Variants in ALMS1 observed in about 807,000 individuals in gnomAD.
ALMS1 encodes the protein centrosome-associated protein ALMS1.
Under a neutral mutation model 352.2 loss-of-function variants are expected in ALMS1, and 271 were observed. The ratio of observed to expected loss-of-function variants is 0.77; its 90% CI spans 0.70 to 0.85. ALMS1 has a LOEUF of 0.85. ALMS1 is among the 40% of genes least tolerant of loss of function. ALMS1 has a pLI of 0.00. For synonymous variants in ALMS1, 1,865 were observed against 1,761.2 expected, an observed-to-expected ratio of 1.06 and a Z score of -1.48; for missense variants, 5,445 against 4,870.7, an observed-to-expected ratio of 1.12 and a Z score of -3.51.
intron 10 of ALMS1, among the ~76,000 whole-genome samples, chr2:73,504,714 A>G (rs1673285082): frequency 6.6e-6 from 1 of 152,022 alleles, no homozygotes; most frequent in African/African-American, 2.4e-5. Flanking sequence ...TTACTAATAA[A>G]GCTGTTATGA....
intron 11 of ALMS1, among the ~76,000 whole-genome samples, chr2:73,532,198 C>G (rs933699402): frequency 6.6e-6 from 1 of 152,208 alleles, no homozygotes; most frequent in Non-Finnish European, 1.5e-5. Context: ...GACCTGAAGC[C>G]AGCACACACT....
chr2:73,496,224 A>C (rs961891829), intron 10 of ALMS1, among the ~76,000 whole-genome samples: 3 of 152,104 alleles, frequency 2.0e-5, no homozygotes, highest in African/African-American at 7.2e-5. Flanking sequence ...AAATTCCCCT[A>C]TGCCGTTCCT....
chr2:73,465,866 C>CA (rs1215905565), intron 9 of ALMS1, among the ~76,000 whole-genome samples: 3 of 152,054 alleles, frequency 2.0e-5, no homozygotes, highest in African/African-American at 4.8e-5. Flanking sequence ...TTTATGCAGG[C>CA]AAAAAACACA....
In ALMS1 at chr2:73,499,775, A is replaced by T. The variant is rs1403283; in HGVS notation, c.9539+8277A>T. On this transcript the variant is annotated intron_variant, in intron 10 of 22. Transcript: ENST00000613296. ...TTTGGGTTATGGGGGCAGATCCCTCATGAATGGCTCAGTGACCTCCCTGTG... is the reference window on the plus strand; with the variant it reads ...TTTGGGTTATGGGGGCAGATCCCTCTTGAATGGCTCAGTGACCTCCCTGTG... Among the ~76,000 whole-genome samples the T allele has an allele frequency of 2.0e-5, 3 of 152,100 alleles. No individual in the cohort carries two copies. The East Asian group carries it at 5.8e-4, about 29-fold the overall frequency.
intron 16 of ALMS1, among the ~76,000 whole-genome samples, chr2:73,587,925 T>C (rs1040042638): frequency 5.3e-5 from 8 of 152,264 alleles, no homozygotes; most frequent in Non-Finnish European, 1.2e-4. Context: ...CTAGAGGAGA[T>C]GATTAAATTC....
intron 2 of ALMS1, among the ~76,000 whole-genome samples, chr2:73,414,666 A>C (rs1671150688): frequency 6.6e-6 from 1 of 151,980 alleles, no homozygotes; most frequent in African/African-American, 2.4e-5. Flanking sequence ...TGACACTATT[A>C]TTAATCATTA....
chr2:73,460,603 G>A (rs917243463), intron 9 of ALMS1, among the ~76,000 whole-genome samples: 1 of 152,280 alleles, frequency 6.6e-6, no homozygotes, highest in East Asian at 1.9e-4. Context: ...AGGACAGTGG[G>A]TGCAGCGCAC....
In ALMS1 at chr2:73,452,528, G is replaced by A. The variant is rs753860476; in HGVS notation, c.6001G>A (p.Val2001Met). Residue 2001 changes from valine (V) to methionine (M), a missense_variant, in exon 8 of 23, where the codon GTG (valine) becomes ATG (methionine). Val to Met is a conservative substitution (Grantham distance 21). Transcript: ENST00000613296. ...SHKEKLKIST[V>M]HIPDDQKTEF... is the part of the protein sequence containing the mutation. Reference sequence around the variant, plus strand: ...TAAAGAGAAACTCAAGATTTCAACTGTGCATATACCAGATGACCAGAAAAC... The same window carrying A: ...TAAAGAGAAACTCAAGATTTCAACTATGCATATACCAGATGACCAGAAAAC... 6.2e-7 allele frequency: 1 copy of A among 1,614,046 alleles called. No individual in the cohort carries two copies. Among genetic ancestry groups the A allele is most frequent in the Non-Finnish European group, 8.5e-7 (1 of 1,179,984 alleles).
chr2:73,512,662 T>G (rs1673476696), intron 10 of ALMS1, among the ~76,000 whole-genome samples: 1 of 152,198 alleles, frequency 6.6e-6, no homozygotes, highest in Admixed American at 6.5e-5. Context: ...GTTTTCTTAT[T>G]CTATTTATTG....
At chr2:73,581,593 A>G (rs1169599554) in intron 16 of ALMS1, among the ~76,000 whole-genome samples, 2 of 152,314 alleles carry the variant, frequency 1.3e-5, no homozygotes, top group Non-Finnish European at 2.9e-5. Context: ...AAGTTCAGAT[A>G]AGGTTGGCTT....
intron 7 of ALMS1, among the ~76,000 whole-genome samples, chr2:73,444,436 T>G (rs890357195): frequency 1.3e-5 from 2 of 152,212 alleles, no homozygotes; most frequent in Admixed American, 6.5e-5. Context: ...ATTAGCTTTT[T>G]GAAACCTCTG....
chr2:73,422,869 G>C lies in ALMS1; in HGVS notation c.659G>C (p.Ser220Thr). 1.9e-6 allele frequency: 3 copies of C among 1,612,590 alleles called. No individual in the cohort carries two copies. Among genetic ancestry groups the C allele is most frequent in the Non-Finnish European group, 2.5e-6 (3 of 1,178,738 alleles). The change falls in exon 4 of 23, where the codon AGC (serine) becomes ACC (threonine). Residue 220 changes from serine (S) to threonine (T), a missense_variant. Coordinates refer to ENST00000613296, the MANE Select transcript of ALMS1 (RefSeq NM_001378454.1). The stretch of plus-strand genomic sequence containing the variant: ...TGAAACTTTACAGTCATACAAGATA[G>C]CTTTGCTTCTCCTGATTTGCCTTTG... The part of the protein sequence containing the change: ...FCSPLLVIQD[S>T]FASPDLPLLT...
chr2:73,521,564 G>A (rs975583425), intron 11 of ALMS1, among the ~76,000 whole-genome samples: 9 of 131,436 alleles, frequency 6.8e-5, no homozygotes, highest in Admixed American at 4.2e-4. Flanking sequence ...ATGAAACCCC[G>A]TCTCTACTAA....
At chr2:73,598,301 G>A (rs1414471346) in intron 16 of ALMS1, among the ~76,000 whole-genome samples, 1 of 152,076 alleles carries the variant, frequency 6.6e-6, no homozygotes, top group Non-Finnish European at 1.5e-5. Context: ...AACCTGGCAG[G>A]GCATGCTCTG....
At chr2:73,439,009 T>C (rs1307670139) in intron 7 of ALMS1, among the ~76,000 whole-genome samples, 1 of 151,176 alleles carries the variant, frequency 6.6e-6, no homozygotes, top group Non-Finnish European at 1.5e-5. Flanking sequence ...CTTCTTCCTC[T>C]CCTCCTCCTC....
Position 73,453,176 on chromosome 2 carries a change from A to C in ALMS1, c.6649A>C (p.Ser2217Arg). Residue 2217 changes from serine to arginine, a missense_variant, in exon 8 of 23, where the codon AGC (serine) becomes CGC (arginine). Transcript: ENST00000613296. ...TTTGAATTCTTCTGACTCCAGTGTT[A>C]GCTCAAATAATGTGCTTTTAAATTC... The part of the protein sequence containing the change: ...DNLNSSDSSV[S>R]SNNVLLNSQA... The C allele has an allele frequency of 6.2e-7, 1 of 1,614,106 alleles. No homozygotes were observed. Among genetic ancestry groups the C allele is most frequent in the Non-Finnish European group, 8.5e-7 (1 of 1,179,998 alleles).
intron 1 of ALMS1, among the ~76,000 whole-genome samples, chr2:73,398,101 A>G (rs911428484): frequency 6.6e-6 from 1 of 152,154 alleles, no homozygotes; most frequent in African/African-American, 2.4e-5. Context: ...GGAGTTTTAT[A>G]CTTTTGCACT....
At chr2:73,469,875 A>G (rs1182125095) in intron 9 of ALMS1, 1 of 151,856 alleles carries the variant, frequency 6.6e-6, no homozygotes, top group Non-Finnish European at 1.5e-5. Flanking sequence ...AAAGAAAAAA[A>G]CAATGCCTGA....
rs1671310064 is a variant in ALMS1 at position 73,422,854 on chromosome 2, C to T, written c.647-3C>T. 1.2e-6 allele frequency: 2 copies of T among 1,605,560 alleles called. No individual in the cohort carries two copies. Among genetic ancestry groups the T allele is most frequent in the South Asian group, 1.1e-5 (1 of 90,910 alleles). ...CCAGCATTTAATATTTGAAACTTTA[C>T]AGTCATACAAGATAGCTTTGCTTCT... On this transcript the variant is annotated splice_polypyrimidine_tract_variant and splice_region_variant and intron_variant, in intron 3 of 22. Coordinates refer to ENST00000613296, the MANE Select transcript of ALMS1 (RefSeq NM_001378454.1).
Sources: allele counts gnomAD v4.1 joint callset (sites outside exome capture counted in the v4.1 genomes callset), GRCh38; gene constraint gnomAD v4.1.1; transcripts MANE v1.5; gene names NCBI Gene and HGNC (gene_info 2026-07-23, HGNC 2026-07-21).